The following WNK2 variants were observed in gnomAD, a reference collection of about 807,000 sequenced individuals.
WNK2 encodes WNK lysine deficient protein kinase 2, also known as serine/threonine-protein kinase WNK2.
A neutral mutation model predicts 192.1 loss-of-function variants in WNK2; 67 were observed. The observed-to-expected ratio is 0.35, with a 90% CI of 0.29 to 0.43. The LOEUF (loss-of-function observed/expected upper bound fraction) is 0.43, where lower values mean the gene tolerates loss of function less well. Among genes scored for constraint, WNK2 ranks in the 20% least tolerant of loss-of-function variants. The pLI, the probability that WNK2 is intolerant of heterozygous loss-of-function variation, is 1.00. For missense variants in WNK2, 2,698 were observed against 3,089.7 expected (o/e 0.87, Z 3.01); for synonymous variants, 1,439 against 1,393.9 (o/e 1.03, Z -0.72).
chr9:93,208,745 A>G (rs115834614), intron 2 of WNK2, among the ~76,000 whole-genome samples: 11 of 1,702 alleles, frequency 6.5e-3, no homozygotes, highest in South Asian at 0.014. Flanking sequence ...GTGTGTGTTC[A>G]TGTGTGTGCG....
intron 12 of WNK2, among the ~76,000 whole-genome samples, chr9:93,261,395 C>T (rs1315625944): frequency 6.6e-6 from 1 of 152,210 alleles, no homozygotes; most frequent in African/African-American, 2.4e-5. Context: ...CAGTCGCCCT[C>T]CAGGAGGCGG....
intron 26 of WNK2, 58 bp downstream of exon 26, chr9:93,300,207 C>T (rs1851351258): frequency 7.3e-7 from 1 of 1,369,178 alleles, no homozygotes. Flanking sequence ...TCTCCCCCCA[C>T]CCCCTCCCTG....
rs140510078 is a variant in WNK2 at position 93,285,075 on chromosome 9, T to G, written c.4034-3713T>G. Among the ~76,000 whole-genome samples the G allele has an allele frequency of 3.0e-4, 46 of 152,366 alleles. No individual in the cohort carries two copies. In the East Asian group the frequency reaches 7.9e-3, roughly 26 times the overall value. On this transcript the variant is annotated intron_variant, in intron 19 of 29. Transcript: ENST00000427277. ...TAATATTCCTTTTAGCATTACTATT[T>G]TTTGTTAAGAATTTGGACAAAGCAA...
At chr9:93,227,993 A>G (rs1044128014) in intron 2 of WNK2, among the ~76,000 whole-genome samples, 3 of 152,210 alleles carry the variant, frequency 2.0e-5, no homozygotes, top group African/African-American at 7.2e-5. Flanking sequence ...TTCTAAATAG[A>G]AGCTTGATTT....
intron 26 of WNK2, among the ~76,000 whole-genome samples, chr9:93,303,512 T>G (rs1478929515): frequency 6.6e-6 from 1 of 152,186 alleles, no homozygotes; most frequent in Admixed American, 6.5e-5. Context: ...GTGGAATGCT[T>G]TCATCCCTCC....
At chr9:93,264,835 C>T (rs920721730) in intron 16 of WNK2, among the ~76,000 whole-genome samples, 1 of 152,166 alleles carries the variant, frequency 6.6e-6, no homozygotes, top group Non-Finnish European at 1.5e-5. Context: ...TGGAGTAGGC[C>T]GGCATGAGTA....
rs561550244 is a variant in WNK2, at chr9:93,289,367, C to T, written c.4613C>T (p.Pro1538Leu). Residue 1538 changes from proline (P) to leucine (L), a missense_variant, in exon 20 of 30, where the codon CCG becomes CTG. Physicochemically the swap from Pro to Leu is moderately conservative, Grantham distance 98 (BLOSUM62 -3). Around this residue, in one of 7 missense-constraint regions of WNK2, gnomAD observed 1,098 missense variants for 1,101.0 expected, o/e 1.00. Transcript: ENST00000427277. ...GCCCTGGAGTCGGATGGGGAAGGGC[C>T]GCCCCCCAGGGTGGGCTTTGTGGAC... ...PSALESDGEG[P>L]PPRVGFVDST... 34 of 1,611,658 alleles carry T rather than the reference C, an allele frequency of 2.1e-5. No homozygotes were observed. The highest frequency in any genetic ancestry group is 1.2e-4 in the Admixed American group (7 of 59,930).
chr9:93,254,079 G>C (rs1842950383), intron 9 of WNK2, among the ~76,000 whole-genome samples: 1 of 152,200 alleles, frequency 6.6e-6, no homozygotes, highest in African/African-American at 2.4e-5. Flanking sequence ...ACCACGCCCA[G>C]CTAATTTTTG....
intron 4 of WNK2, among the ~76,000 whole-genome samples, chr9:93,231,582 T>C (rs1838817101): frequency 6.6e-6 from 1 of 152,204 alleles, no homozygotes; most frequent in African/African-American, 2.4e-5. Flanking sequence ...GCTCCCAGTG[T>C]CACCCGGGCT....
intron 2 of WNK2, among the ~76,000 whole-genome samples, chr9:93,193,190 G>C (rs960653418): frequency 3.3e-5 from 5 of 152,090 alleles, no homozygotes; most frequent in Non-Finnish European, 7.4e-5. Context: ...GGTCCCAGCC[G>C]CACTGCCCTG....
Position 93,257,733 on chromosome 9 carries a change from T to C in WNK2, c.2382+594T>C, listed in dbSNP as rs370389601. ...GGAGTTCCAAAGCCAGCCTGTGGCA[T>C]TGCTGACTGCAGGAAAGCCCAGCCA... On this transcript the variant is annotated intron_variant, in intron 11 of 29. Coordinates refer to ENST00000427277, the MANE Select transcript of WNK2 (RefSeq NM_006648.4). This position sits in a 1 kb window ranked among gnomAD's most constrained non-coding sequence, Gnocchi z 4.7. Among the ~76,000 whole-genome samples the C allele has an allele frequency of 2.0e-5, 3 of 152,202 alleles. No homozygotes were observed. The highest frequency in any genetic ancestry group is 1.9e-4 in the East Asian group (1 of 5,190).
intron 2 of WNK2, among the ~76,000 whole-genome samples, chr9:93,204,067 G>A (rs1832946967): frequency 6.6e-6 from 1 of 152,102 alleles, no homozygotes; most frequent in Non-Finnish European, 1.5e-5. Flanking sequence ...GGGGTGTGGG[G>A]GCTGTATTCT....
At chr9:93,275,942 A>G (rs1271793934) in intron 19 of WNK2, among the ~76,000 whole-genome samples, 1 of 152,256 alleles carries the variant, frequency 6.6e-6, no homozygotes, top group Admixed American at 6.5e-5. Flanking sequence ...TACCGATGAA[A>G]TGAATCAAAG....
At position 93,292,576 on chromosome 9, in the gene WNK2, C is replaced by T. The variant is rs1010720230; in HGVS notation, c.5111C>T (p.Pro1704Leu). 1.6e-5 allele frequency: 25 copies of T among 1,570,468 alleles called. No individual in the cohort carries two copies. Among genetic ancestry groups the T allele is most frequent in the South Asian group, 3.5e-5 (3 of 84,866 alleles). ...GCTGGAGAAAGCTCGGCAGAGCCCC[C>T]GCCGAGTGACATGGGCACAGTGGGG... ...GEAGESSAEP[P>L]PSDMGTVGGQ... Residue 1704 changes from proline to leucine, a missense_variant, in exon 23 of 30, where the codon CCG (proline) becomes CTG (leucine). Coordinates refer to ENST00000427277, the MANE Select transcript of WNK2 (RefSeq NM_006648.4).
At position 93,259,462 on chromosome 9, in the gene WNK2, C is replaced by A; in HGVS notation, c.2914C>A (p.Pro972Thr). The A allele has an allele frequency of 6.7e-7, 1 of 1,488,658 alleles. No homozygotes were observed. The highest frequency in any genetic ancestry group is 8.9e-7 in the Non-Finnish European group (1 of 1,123,294). 92.2% of individuals were successfully genotyped at this position (1,488,658 alleles called of 1,614,324 possible). Residue 972 changes from proline to threonine, a missense_variant, in exon 12 of 30, where the codon CCC (proline) becomes ACC (threonine). This residue lies in a region of WNK2 where 893 missense variants were observed against 909.0 expected (regional missense o/e 0.98). Coordinates refer to ENST00000427277, the MANE Select transcript of WNK2 (RefSeq NM_006648.4). This position sits in a 1 kb window ranked among gnomAD's most constrained non-coding sequence, Gnocchi z 4.8. ...LPPQPVLPPQ[P>T]TRPPQPVLPP... is the part of the protein sequence containing the mutation. The stretch of plus-strand genomic sequence containing the variant: ...CCCTCAACCTGTGTTGCCCCCGCAA[C>A]CCACACGGCCCCCTCAACCTGTGCT...
At chr9:93,184,907 C>T in intron 1 of WNK2, 21 bp from the exon 2 acceptor site, 14 of 1,184,506 alleles carry the variant, frequency 1.2e-5, no homozygotes, top group Non-Finnish European at 1.5e-5. Flanking sequence ...TCACGCGGGC[C>T]TGTGTGTCCT....
chr9:93,297,521 C>T (rs1201020914), intron 23 of WNK2, among the ~76,000 whole-genome samples: 1 of 152,242 alleles, frequency 6.6e-6, no homozygotes, highest in Non-Finnish European at 1.5e-5. Flanking sequence ...TTTCCCTTCA[C>T]CTGTGTTCAT....
intron 23 of WNK2, 23 bp downstream of exon 23, chr9:93,293,196 G>T: frequency 3.5e-6 from 5 of 1,431,864 alleles, no homozygotes; most frequent in Non-Finnish European, 4.6e-6. Flanking sequence ...GGCAGGAAGT[G>T]TTGCCCCCGC....
rs777991314 is a variant in WNK2 at position 93,292,413 on chromosome 9, G to A, written c.5025+17G>A. On this transcript the variant is annotated intron_variant, in intron 22 of 29. Coordinates refer to ENST00000427277, the MANE Select transcript of WNK2 (RefSeq NM_006648.4). ...GTCCCCCAGGTAAGGGCGACTTGAC[G>A]ACCCCCTGGCTGGTTGGCAGGGTTT... The A allele has an allele frequency of 8.1e-6, 13 of 1,613,856 alleles. No homozygotes were observed. The highest frequency in any genetic ancestry group is 3.3e-5 in the Admixed American group (2 of 60,022).
Sources: gnomAD v4.1 joint callset for allele counts (sites outside exome capture counted in the v4.1 genomes callset) on GRCh38, gnomAD v4.1.1 for gene constraint, gnomAD v4.1.1 regional missense constraint, Gnocchi (gnomAD v3.1) non-coding constraint, MANE v1.5 for transcripts, NCBI Gene and HGNC (gene_info 2026-07-23, HGNC 2026-07-21) for gene names.